PCDHGB5: variants seen among roughly 807,000 people sequenced by gnomAD.
The protein encoded by PCDHGB5 is protocadherin gamma subfamily B, 5.
Under a neutral mutation model 62.9 loss-of-function variants are expected in PCDHGB5, and 48 were observed. That is an observed-to-expected ratio of 0.76 (90% CI 0.61 to 0.97). The LOEUF (loss-of-function observed/expected upper bound fraction) is 0.97, where lower values mean the gene tolerates loss of function less well. Ranked by LOEUF, PCDHGB5 falls within the 50% of genes least tolerant of loss-of-function variation. The probability of loss-of-function intolerance (pLI) is 0.00; values close to 1 mark genes in which losing one functional copy is unlikely to be tolerated. For missense variants in PCDHGB5, 1,118 were observed against 1,198.6 expected (o/e 0.93, Z 0.99); for synonymous variants, 474 against 511.2 (o/e 0.93, Z 0.98).
chr5:141,503,046 G>T (rs1187153008), intron 2 of PCDHGB5, among the ~76,000 whole-genome samples: 1 of 151,658 alleles, frequency 6.6e-6, no homozygotes, highest in Non-Finnish European at 1.5e-5. Flanking sequence ...GTTGAGACAG[G>T]GTTTCACCAT....
chr5:141,468,814 C>G (rs2099180978), intron 1 of PCDHGB5, among the ~76,000 whole-genome samples: 1 of 151,814 alleles, frequency 6.6e-6, no homozygotes, highest in African/African-American at 2.4e-5. Context: ...TGCAGTGAGC[C>G]AAGATCAAGC....
chr5:141,485,587 G>C lies in PCDHGB5; in HGVS notation c.2398-9220G>C. 6.2e-7 allele frequency: 1 copy of C among 1,612,652 alleles called. No individual in the cohort carries two copies. The highest frequency in any genetic ancestry group is 1.7e-5 in the Admixed American group (1 of 59,982). On this transcript the variant is annotated intron_variant, in intron 1 of 3. Coordinates refer to ENST00000617380, the MANE Select transcript of PCDHGB5 (RefSeq NM_018925.3). This position sits in a 1 kb window ranked among gnomAD's most constrained non-coding sequence, Gnocchi z 5.7. ...CCCCCCGTTTTCCGCGGCAGCAGCT[G>C]GACTTGGAAATTGGGGAGGCAGCTC... is the stretch of plus-strand genomic sequence containing the variant.
intron 1 of PCDHGB5, chr5:141,419,910 C>A (rs539905795): frequency 1.9e-6 from 3 of 1,613,968 alleles, no homozygotes; most frequent in Non-Finnish European, 2.5e-6. Flanking sequence ...CCCTCTGACT[C>A]CCAGGCTGAG....
At chr5:141,421,189 C>G in intron 1 of PCDHGB5, 1 of 1,477,674 alleles carries the variant, frequency 6.8e-7, no homozygotes, top group Non-Finnish European at 9.0e-7. Flanking sequence ...CACAACCAAC[C>G]AGCTCGAGAA....
chr5:141,419,361 T>C, intron 1 of PCDHGB5: 1 of 1,613,794 alleles, frequency 6.2e-7, no homozygotes, highest in Non-Finnish European at 8.5e-7. Context: ...TCACGAACGC[T>C]GTCGTCCTAC....
chr5:141,408,398 C>A, intron 1 of PCDHGB5: 3 of 1,614,028 alleles, frequency 1.9e-6, no homozygotes, highest in Non-Finnish European at 2.5e-6. Context: ...GGCTCGCAAG[C>A]TGCGAGTGAG....
Position 141,491,045 on chromosome 5 carries a change from A to G in PCDHGB5, c.2398-3762A>G, listed in dbSNP as rs1452139285. 2 of 1,613,970 alleles carry G rather than the reference A, an allele frequency of 1.2e-6. No individual in the cohort carries two copies. The highest frequency in any genetic ancestry group is 1.1e-5 in the South Asian group (1 of 91,090). On this transcript the variant is annotated intron_variant, in intron 1 of 3. Coordinates refer to ENST00000617380, the MANE Select transcript of PCDHGB5 (RefSeq NM_018925.3). This position sits in a 1 kb window ranked among gnomAD's most constrained non-coding sequence, Gnocchi z 6.9. ...GCCGTGGATGCTGATGCAGGCCACA[A>G]TGCGTGGCTCTCCTACTCACTGTTG...
chr5:141,507,368 T>C (rs1446319165), intron 3 of PCDHGB5: 2 of 152,094 alleles, frequency 1.3e-5, no homozygotes, highest in Non-Finnish European at 2.9e-5. Context: ...GGGAGCCCTG[T>C]ACTTTTATTT....
chr5:141,447,136 T>TTTTTTG (rs1304915683), intron 1 of PCDHGB5, among the ~76,000 whole-genome samples: 1 of 152,090 alleles, frequency 6.6e-6, no homozygotes, highest in Non-Finnish European at 1.5e-5. Context: ...TGTTTGTTTG[T>TTTTTTG]TTTTTGTTTT....
intron 1 of PCDHGB5, among the ~76,000 whole-genome samples, chr5:141,475,215 T>C (rs768665396): frequency 2.6e-5 from 4 of 152,176 alleles, no homozygotes; most frequent in Non-Finnish European, 5.9e-5. Flanking sequence ...AAAGGATTGA[T>C]CAAGTAAAGG....
In PCDHGB5 at chr5:141,489,184, G is replaced by T; in HGVS notation, c.2398-5623G>T. ...TCAGCTGCTGCATTCCAAGCCCTGG[G>T]TCTACCTTGGAGACAGGACAGCACA... On this transcript the variant is annotated intron_variant, in intron 1 of 3. Transcript: ENST00000617380. This position sits in a 1 kb window ranked among gnomAD's most constrained non-coding sequence, Gnocchi z 4.5. 7.8e-7 allele frequency: 1 copy of T among 1,287,330 alleles called. No homozygotes were observed. Among genetic ancestry groups the T allele is most frequent in the Non-Finnish European group, 1.1e-6 (1 of 928,816 alleles). 79.7% of individuals were successfully genotyped at this position (1,287,330 alleles called of 1,614,324 possible).
chr5:141,461,167 C>T (rs917796588), intron 1 of PCDHGB5, among the ~76,000 whole-genome samples: 2 of 151,968 alleles, frequency 1.3e-5, no homozygotes, highest in Non-Finnish European at 2.9e-5. Context: ...AGTGGGATTG[C>T]TGGATTGAAT....
intron 1 of PCDHGB5, chr5:141,404,403 A>C (rs767148207): frequency 6.2e-7 from 1 of 1,613,896 alleles, no homozygotes; most frequent in Admixed American, 1.7e-5. Context: ...AGCAATGAGA[A>C]TTCTAGAGTT....
In PCDHGB5 at chr5:141,477,453, A is replaced by T; in HGVS notation, c.2398-17354A>T. On this transcript the variant is annotated intron_variant, in intron 1 of 3. Transcript: ENST00000617380. This position sits in a 1 kb window ranked among gnomAD's most constrained non-coding sequence, Gnocchi z 4.9. Reference sequence around the variant, plus strand: ...TCAGCCCTTACAATAGTGCGTGTTCAAGTGTCCGACATCAATGACAACCCT... The same window carrying T: ...TCAGCCCTTACAATAGTGCGTGTTCTAGTGTCCGACATCAATGACAACCCT... The T allele has an allele frequency of 6.2e-7, 1 of 1,614,136 alleles. No homozygotes were observed. The highest frequency in any genetic ancestry group is 8.5e-7 in the Non-Finnish European group (1 of 1,180,026).
chr5:141,414,087 A>G (rs377653676), intron 1 of PCDHGB5: 31 of 1,599,656 alleles, frequency 1.9e-5, no homozygotes, highest in Middle Eastern at 3.3e-4. Context: ...ATACTGGAGA[A>G]ATAAAAATAT....
At chr5:141,443,498 C>G (rs1217918256) in intron 1 of PCDHGB5, among the ~76,000 whole-genome samples, 3 of 152,036 alleles carry the variant, frequency 2.0e-5, no homozygotes, top group Non-Finnish European at 4.4e-5. Context: ...AACAAACAAA[C>G]AAATAAAGAG....
chr5:141,408,155 C>T (rs1355335396), intron 1 of PCDHGB5: 2 of 1,511,456 alleles, frequency 1.3e-6, no homozygotes, highest in Non-Finnish European at 1.8e-6. Flanking sequence ...GTAGAGTGCA[C>T]TTTCTCCAAC....
At chr5:141,507,786 GTCTAAGCC>G (rs1279265471) in intron 3 of PCDHGB5, among the ~76,000 whole-genome samples, 1 of 152,174 alleles carries the variant, frequency 6.6e-6, no homozygotes, top group Admixed American at 6.5e-5. Flanking sequence ...CCTGACCCTC[GTCTAAGCC>G]TGCGCCCTGG....
At chr5:141,504,709 C>G (rs11743102) in intron 2 of PCDHGB5, among the ~76,000 whole-genome samples, 29,287 of 151,306 alleles carry the variant, frequency 0.19, 2,876 homozygotes, top group Middle Eastern at 0.24. Context: ...CTTCTATGGC[C>G]GTGGATTTTA....
Sources: gnomAD v4.1 joint callset for allele counts (sites outside exome capture counted in the v4.1 genomes callset) on GRCh38, gnomAD v4.1.1 for gene constraint, Gnocchi (gnomAD v3.1) non-coding constraint, MANE v1.5 for transcripts, NCBI Gene and HGNC (gene_info 2026-07-23, HGNC 2026-07-21) for gene names.